Variants in C1orf105 observed in about 807,000 individuals in gnomAD.
C1orf105 encodes chromosome 1 open reading frame 105, also known as uncharacterized protein C1orf105.
In C1orf105, 17 loss-of-function variants were observed where a neutral mutation model predicts 20.8. The ratio of observed to expected loss-of-function variants is 0.82; its 90% CI spans 0.56 to 1.23. The LOEUF (loss-of-function observed/expected upper bound fraction) is 1.23. Among genes scored for constraint, C1orf105 ranks in the 50% most tolerant of loss-of-function variants. The pLI is 0.00. For missense variants in C1orf105, 219 were observed against 213.5 expected, an observed-to-expected ratio of 1.03 and a Z score of -0.16; for synonymous variants, 72 against 72.1, an observed-to-expected ratio of 1.00 and a Z score of 0.01.
chr1:172,441,918 A>G (rs1647352341), intron 1 of C1orf105: 1 of 1,614,076 alleles, frequency 6.2e-7, no homozygotes, highest in Admixed American at 1.7e-5. Flanking sequence ...CTGAAAATGC[A>G]AAAAGCAGTG....
intron 2 of C1orf105, 103 bp from the exon 3 acceptor site, chr1:172,448,338 T>C (rs998325967): frequency 1.2e-5 from 9 of 747,744 alleles, no homozygotes; most frequent in African/African-American, 3.5e-5. Flanking sequence ...GAGTGGAAGA[T>C]AGCTCCCTGT....
At chr1:172,465,658 C>G in intron 6 of C1orf105, 2 of 544,508 alleles carry the variant, frequency 3.7e-6, no homozygotes, top group Middle Eastern at 5.7e-4. Context: ...GGGGTACAAA[C>G]AAAATAAAAG....
intron 3 of C1orf105, among the ~76,000 whole-genome samples, chr1:172,453,476 C>T (rs188360662): frequency 6.6e-6 from 1 of 152,108 alleles, no homozygotes; most frequent in Non-Finnish European, 1.5e-5. Context: ...CCCTGAAGAC[C>T]GTGTTACAAT....
chr1:172,450,848 C>T (rs895729875), intron 3 of C1orf105, among the ~76,000 whole-genome samples: 2 of 152,190 alleles, frequency 1.3e-5, no homozygotes, highest in African/African-American at 4.8e-5. Context: ...AAGATAGAAA[C>T]ACACACACAG....
chr1:172,468,343 T>G, intron 6 of C1orf105, 106 bp from the exon 7 acceptor site: 1 of 847,288 alleles, frequency 1.2e-6, no homozygotes, highest in Non-Finnish European at 1.7e-6. Context: ...TAAATCTGTT[T>G]TATAAGGTTG....
chr1:172,462,558 G>C (rs1305710498), intron 5 of C1orf105, among the ~76,000 whole-genome samples: 1 of 152,176 alleles, frequency 6.6e-6, no homozygotes, highest in Non-Finnish European at 1.5e-5. Flanking sequence ...TCTCCATGTA[G>C]ATGACATATC....
intron 1 of C1orf105, among the ~76,000 whole-genome samples, chr1:172,432,984 T>A (rs1330526673): frequency 6.6e-6 from 1 of 152,172 alleles, no homozygotes; most frequent in Non-Finnish European, 1.5e-5. Context: ...CAAGCTTCAA[T>A]AGCCGATTTG....
chr1:172,461,664 A>G (rs1649700890), intron 4 of C1orf105, among the ~76,000 whole-genome samples: 1 of 152,198 alleles, frequency 6.6e-6, no homozygotes, highest in Non-Finnish European at 1.5e-5. Flanking sequence ...CACTAATTTG[A>G]TCAAAAATAT....
chr1:172,428,859 A>T (rs1443985563), intron 1 of C1orf105: 2 of 693,444 alleles, frequency 2.9e-6, no homozygotes. Flanking sequence ...TTTATTGACA[A>T]TAAATTCCTG....
At chr1:172,440,922 AGTT>A (rs1647237165) in intron 1 of C1orf105, among the ~76,000 whole-genome samples, 1 of 152,226 alleles carries the variant, frequency 6.6e-6, no homozygotes. Flanking sequence ...ACATCTCCAT[AGTT>A]GTTCACAGTT....
intron 3 of C1orf105, among the ~76,000 whole-genome samples, chr1:172,454,348 G>A (rs1409705923): frequency 1.3e-5 from 2 of 151,252 alleles, no homozygotes; most frequent in Non-Finnish European, 1.5e-5. Flanking sequence ...TATCTAGTGT[G>A]TCCTACCTTA....
At chr1:172,461,642 G>A (rs1335236292) in intron 4 of C1orf105, among the ~76,000 whole-genome samples, 1 of 152,018 alleles carries the variant, frequency 6.6e-6, no homozygotes, top group Non-Finnish European at 1.5e-5. Context: ...CTTCAAGGTG[G>A]GTTCATTCAT....
chr1:172,430,448 T>G lies in C1orf105; in HGVS notation c.21+9542T>G, dbSNP rs533548633. ...TTTGCAATTTTTCTTAAACCTTTTT[T>G]TATTTATTTTTGAGACAGGGTCTTG... On this transcript the variant is annotated intron_variant, in intron 1 of 6. Transcript: ENST00000367727. 27 of 595,816 alleles carry G rather than the reference T, an allele frequency of 4.5e-5. No homozygotes were observed. In the South Asian group the frequency reaches 5.6e-4, roughly 12 times the overall value. 36.9% of individuals were successfully genotyped at this position (595,816 alleles called of 1,614,324 possible).
chr1:172,432,848 G>T (rs970202778), intron 1 of C1orf105, among the ~76,000 whole-genome samples: 2 of 152,294 alleles, frequency 1.3e-5, no homozygotes, highest in South Asian at 2.1e-4. Context: ...CTAAGCAATC[G>T]CAAGGAAGTT....
intron 1 of C1orf105, among the ~76,000 whole-genome samples, chr1:172,436,035 G>C (rs1030370796): frequency 6.6e-6 from 1 of 152,112 alleles, no homozygotes; most frequent in African/African-American, 2.4e-5. Context: ...ACTTACAAAG[G>C]ATGTGAAGGA....
At chr1:172,453,925 C>T (rs1648946188) in intron 3 of C1orf105, among the ~76,000 whole-genome samples, 1 of 152,174 alleles carries the variant, frequency 6.6e-6, no homozygotes, top group African/African-American at 2.4e-5. Context: ...TTTCATCCCT[C>T]AGATTCTAAG....
At chr1:172,447,906 C>T (rs1648190089) in intron 2 of C1orf105, among the ~76,000 whole-genome samples, 1 of 152,228 alleles carries the variant, frequency 6.6e-6, no homozygotes, top group South Asian at 2.1e-4. Context: ...GCAGGCAGGT[C>T]ACCCTGTAAA....
chr1:172,444,060 C>T (rs1319669689), intron 1 of C1orf105: 2 of 999,114 alleles, frequency 2.0e-6, no homozygotes, highest in Admixed American at 6.1e-5. Flanking sequence ...GGCGCCGGGG[C>T]TGCGACTGTG....
At chr1:172,440,227 A>C (rs2072176121) in intron 1 of C1orf105, among the ~76,000 whole-genome samples, 1 of 152,276 alleles carries the variant, frequency 6.6e-6, no homozygotes, top group Non-Finnish European at 1.5e-5. Context: ...ATAAAAGGAC[A>C]GTATAGAAAC....
Sources: allele counts gnomAD v4.1 joint callset (sites outside exome capture counted in the v4.1 genomes callset), GRCh38; gene constraint gnomAD v4.1.1; transcripts MANE v1.5; gene names NCBI Gene and HGNC (gene_info 2026-07-23, HGNC 2026-07-21).